The following PDE8B variants were observed in gnomAD, a reference collection of about 807,000 sequenced individuals.
PDE8B encodes the protein phosphodiesterase 8B.
In PDE8B, 26 loss-of-function variants were observed where a neutral mutation model predicts 101.3. The observed-to-expected ratio is 0.26, with a 90% confidence interval of 0.19 to 0.36. PDE8B has a LOEUF of 0.36. PDE8B is among the 10% of genes least tolerant of loss of function. The pLI is 1.00. For missense variants in PDE8B, 810 were observed against 1,163.1 expected (o/e 0.70, Z 4.42); for synonymous variants, 424 against 429.3 (o/e 0.99, Z 0.15).
chr5:77,370,064 C>G (rs1784820983), intron 10 of PDE8B, among the ~76,000 whole-genome samples: 1 of 152,190 alleles, frequency 6.6e-6, no homozygotes, highest in Non-Finnish European at 1.5e-5. Context: ...CTTAATCCAT[C>G]TTGTTTTTTT....
chr5:77,187,148 C>G, the PDE8B span, among the ~76,000 whole-genome samples: 1 of 152,158 alleles, frequency 6.6e-6, no homozygotes, highest in African/African-American at 2.4e-5. Flanking sequence ...AGTTTACTTG[C>G]TGGCTAAGAT....
chr5:77,219,904 T>A (rs1469847134), intron 1 of PDE8B, among the ~76,000 whole-genome samples: 2 of 152,210 alleles, frequency 1.3e-5, no homozygotes, highest in Non-Finnish European at 2.9e-5. Flanking sequence ...TCTGTGCCTG[T>A]GCAAGCATTG....
At chr5:77,382,089 C>CAGT (rs1561621040) in intron 10 of PDE8B, among the ~76,000 whole-genome samples, 2 of 152,186 alleles carry the variant, frequency 1.3e-5, no homozygotes, top group African/African-American at 4.8e-5. Flanking sequence ...CTCAGTTGAA[C>CAGT]ATACAATTTT....
chr5:77,097,682 ATT>A, the PDE8B span, among the ~76,000 whole-genome samples: 498 of 39,610 alleles, frequency 0.013, 9 homozygotes, highest in African/African-American at 0.035. Context: ...GTTTGTGGAG[ATT>A]TTATATATCT....
At chr5:77,179,224 A>T in the PDE8B span, among the ~76,000 whole-genome samples, 1 of 152,374 alleles carries the variant, frequency 6.6e-6, no homozygotes, top group South Asian at 2.1e-4. Context: ...CTTTATGACT[A>T]ATGTCAAAAA....
chr5:77,112,146 G>A, the PDE8B span: 2 of 152,118 alleles, frequency 1.3e-5, no homozygotes, highest in Non-Finnish European at 2.9e-5. Context: ...AATCATAATT[G>A]GAAGTAGGCT....
At chr5:77,295,678 C>T (rs193008514) in intron 1 of PDE8B, among the ~76,000 whole-genome samples, 225 of 152,282 alleles carry the variant, frequency 1.5e-3, no homozygotes, top group African/African-American at 5.2e-3. Flanking sequence ...CATTGAGATT[C>T]TTTCTGTTTA....
chr5:77,249,154 C>A (rs929110485), intron 1 of PDE8B, among the ~76,000 whole-genome samples: 2 of 152,186 alleles, frequency 1.3e-5, no homozygotes, highest in African/African-American at 2.4e-5. Flanking sequence ...AAATCTTCAA[C>A]AACAGAAGCA....
At chr5:77,265,213 C>T (rs1761448803) in intron 1 of PDE8B, among the ~76,000 whole-genome samples, 1 of 152,126 alleles carries the variant, frequency 6.6e-6, no homozygotes, top group Admixed American at 6.5e-5. Context: ...TCAGCTAACC[C>T]AGAAACCAAG....
chr5:77,138,261 T>G, the PDE8B span, among the ~76,000 whole-genome samples: 2 of 152,080 alleles, frequency 1.3e-5, no homozygotes, highest in East Asian at 1.9e-4. Flanking sequence ...CATGGATGGT[T>G]TCTTGTCCCC....
At chr5:77,192,045 C>T in the PDE8B span, among the ~76,000 whole-genome samples, 236 of 152,232 alleles carry the variant, frequency 1.6e-3, no homozygotes, top group African/African-American at 5.2e-3. Flanking sequence ...TGACAGGAGA[C>T]GGAGTTCAAG....
chr5:77,388,516 T>G (rs1789214200), intron 10 of PDE8B, among the ~76,000 whole-genome samples: 1 of 152,156 alleles, frequency 6.6e-6, no homozygotes, highest in Non-Finnish European at 1.5e-5. Flanking sequence ...CGGCCCCTAC[T>G]GGGAGGTGTC....
chr5:77,270,870 T>C (rs575866913), intron 1 of PDE8B, among the ~76,000 whole-genome samples: 1 of 152,256 alleles, frequency 6.6e-6, no homozygotes, highest in East Asian at 1.9e-4. Context: ...GGGTGGGAGT[T>C]AGGAGGACTC....
chr5:77,208,280 A>G (rs1032649390), upstream of PDE8B, among the ~76,000 whole-genome samples: 3 of 152,160 alleles, frequency 2.0e-5, no homozygotes, highest in African/African-American at 7.2e-5. Context: ...ATTCCTAGAG[A>G]AAACTCTGAA....
intron 1 of PDE8B, among the ~76,000 whole-genome samples, chr5:77,245,385 T>C (rs1286216373): frequency 6.6e-6 from 1 of 152,242 alleles, no homozygotes; most frequent in African/African-American, 2.4e-5. Context: ...TTTGTAACTT[T>C]TCTGTGACTT....
At chr5:77,190,979 C>T in the PDE8B span, among the ~76,000 whole-genome samples, 137 of 152,294 alleles carry the variant, frequency 9.0e-4, 2 homozygotes, top group South Asian at 0.017. Context: ...CCTCACAGTT[C>T]AGAAGGTTAG....
chr5:77,349,053 G>A (rs1218495117), intron 7 of PDE8B, among the ~76,000 whole-genome samples: 3 of 151,886 alleles, frequency 2.0e-5, no homozygotes, highest in Admixed American at 2.0e-4. Context: ...TTCTTTTTTT[G>A]TCTGAGTTTT....
chr5:77,382,720 A>G lies in PDE8B; in HGVS notation c.1168-17528A>G, dbSNP rs114709881. On this transcript the variant is annotated intron_variant, in intron 10 of 21. Coordinates refer to ENST00000264917, the MANE Select transcript of PDE8B (RefSeq NM_003719.5). ...TGTCTGTTCTTGTGTTAGTTTGCCA[A>G]TAATGATGGTTTCCAGCTTCATGTT... 5.0e-3 allele frequency among the ~76,000 whole-genome samples: 762 copies of G among 152,296 alleles called. 3 individuals are homozygous for G. The highest frequency in any genetic ancestry group is 8.5e-3 in the Non-Finnish European group (576 of 68,032).
chr5:77,168,086 G>A, the PDE8B span, among the ~76,000 whole-genome samples: 2 of 152,120 alleles, frequency 1.3e-5, no homozygotes, highest in Non-Finnish European at 2.9e-5. Context: ...CCTCTGTTGG[G>A]AACCAAGTGA....
Sources: gnomAD v4.1 joint callset for allele counts (sites outside exome capture counted in the v4.1 genomes callset) on GRCh38, gnomAD v4.1.1 for gene constraint, MANE v1.5 for transcripts, NCBI Gene and HGNC (gene_info 2026-07-23, HGNC 2026-07-21) for gene names.